Variants in PTDSS2 observed in about 807,000 individuals in gnomAD.
PTDSS2 encodes the protein PSS-2.
Under a neutral mutation model 64.7 loss-of-function variants are expected in PTDSS2, and 41 were observed. That is an observed-to-expected ratio of 0.63 (90% CI 0.49 to 0.82). PTDSS2 has a LOEUF of 0.82. Ranked by LOEUF, PTDSS2 falls within the 40% of genes least tolerant of loss-of-function variation. PTDSS2 has a pLI of 0.00. For missense variants in PTDSS2, 485 were observed against 650.0 expected (o/e 0.75, Z 2.76); for synonymous variants, 297 against 277.8 (o/e 1.07, Z -0.69).
rs560467241 is a variant in PTDSS2, at chr11:461,201, C to G, written c.284+913C>G. ...TGGGCCAGCACTTCATTTTGTAAAG[C>G]AAGAGTCTCGCTATCTTCGTGACTG... On this transcript the variant is annotated intron_variant, in intron 2 of 11. Coordinates refer to ENST00000308020, the MANE Select transcript of PTDSS2 (RefSeq NM_030783.3). The surrounding 1 kb of genome is among the most constrained non-coding windows in gnomAD (Gnocchi z 4.2). The G allele has an allele frequency of 2.0e-5, 3 of 152,084 alleles. No homozygotes were observed. Among genetic ancestry groups the G allele is most frequent in the Non-Finnish European group, 4.4e-5 (3 of 68,024 alleles). 9.4% of individuals were successfully genotyped at this position (152,084 alleles called of 1,614,324 possible). A position where few individuals can be genotyped will look rare whatever the true frequency, so the allele number is the denominator to read the frequency against.
intron 4 of PTDSS2, among the ~76,000 whole-genome samples, chr11:485,753 C>T (rs71487290): frequency 4.3e-4 from 53 of 122,998 alleles, no homozygotes; most frequent in African/African-American, 1.3e-3. Context: ...CGCAGGCGAG[C>T]GTAAACAGTG....
intron 4 of PTDSS2, among the ~76,000 whole-genome samples, chr11:485,849 C>T (rs1233858189): frequency 1.6e-4 from 1 of 6,080 alleles, no homozygotes; most frequent in African/African-American, 8.4e-4. Flanking sequence ...CGCAGGCGAG[C>T]GTAAACAGTG....
At chr11:469,525 G>A (rs1847318808) in intron 2 of PTDSS2, among the ~76,000 whole-genome samples, 1 of 151,932 alleles carries the variant, frequency 6.6e-6, no homozygotes. Flanking sequence ...GGAGGGAGGA[G>A]GAGGGGAGTC....
chr11:457,484 C>G (rs1328616289), intron 1 of PTDSS2, among the ~76,000 whole-genome samples: 1 of 152,324 alleles, frequency 6.6e-6, no homozygotes, highest in East Asian at 1.9e-4. Flanking sequence ...GTTGCCCCGG[C>G]TGGTCTTGAG....
intron 2 of PTDSS2, among the ~76,000 whole-genome samples, chr11:465,681 T>G (rs1467837646): frequency 2.0e-5 from 3 of 152,144 alleles, no homozygotes; most frequent in Admixed American, 1.3e-4. Flanking sequence ...TCCTAGCACT[T>G]TGGAAGGCCA....
intron 7 of PTDSS2, 79 bp downstream of exon 7, chr11:488,391 C>G: frequency 7.3e-7 from 1 of 1,373,180 alleles, no homozygotes; most frequent in Non-Finnish European, 1.0e-6. Flanking sequence ...AGCGCGGCCC[C>G]TGGACCCCCT....
intron 4 of PTDSS2, among the ~76,000 whole-genome samples, chr11:483,589 C>G (rs996992845): frequency 1.3e-5 from 2 of 152,156 alleles, no homozygotes; most frequent in African/African-American, 4.8e-5. Flanking sequence ...GTGTTTTTCC[C>G]CCTTTGTTAA....
chr11:487,137 C>T (rs970695398), intron 5 of PTDSS2, 64 bp downstream of exon 5: 109 of 1,458,650 alleles, frequency 7.5e-5, no homozygotes, highest in Non-Finnish European at 9.9e-5. Flanking sequence ...GGACCAGGCG[C>T]CATCCACGCT....
At chr11:490,322 C>A in intron 11 of PTDSS2, 98 bp from the exon 12 acceptor site, 1 of 1,538,006 alleles carries the variant, frequency 6.5e-7, no homozygotes, top group Non-Finnish European at 9.0e-7. Flanking sequence ...CCACCCAGTC[C>A]ATTCCGGACC....
chr11:486,971 T>C lies in PTDSS2; in HGVS notation c.468T>C (p.Tyr156=). 1 of 1,613,186 alleles carries C rather than the reference T, an allele frequency of 6.2e-7. No individual in the cohort carries two copies. Among genetic ancestry groups the C allele is most frequent in the Non-Finnish European group, 8.5e-7 (1 of 1,179,896 alleles). Residue 156 remains tyrosine (Y), a synonymous_variant, in exon 5 of 12, where the codon TAT becomes TAC. Coordinates refer to ENST00000308020, the MANE Select transcript of PTDSS2 (RefSeq NM_030783.3). ...AGGACGGCCGGCAGTTTCTAAAGTA[T>C]GTTGACCCCAAGCTGGGAGTCCCAC... ...TVQDGRQFLK[Y]VDPKLGVPLP... is the part of the protein sequence containing the mutation.
intron 2 of PTDSS2, chr11:463,838 G>A (rs981002890): frequency 6.6e-6 from 1 of 152,144 alleles, no homozygotes; most frequent in Non-Finnish European, 1.5e-5. Flanking sequence ...GAGCCACCAT[G>A]CCTGGCCAGC....
intron 1 of PTDSS2, among the ~76,000 whole-genome samples, chr11:452,956 C>G (rs2133749331): frequency 6.6e-6 from 1 of 152,080 alleles, no homozygotes. Context: ...GTCTTCAACT[C>G]CTGGCCTCAA....
rs994082419 is a variant in PTDSS2 at position 486,011 on chromosome 11, G to A, written c.436-928G>A. ...AGGCGAGCGTAAGCAGTGCACGGGC[G>A]CGCGTGCTCACCGTGTGCGCAGGCG... On this transcript the variant is annotated intron_variant, in intron 4 of 11. Coordinates refer to ENST00000308020, the MANE Select transcript of PTDSS2 (RefSeq NM_030783.3). 4.6e-5 allele frequency among the ~76,000 whole-genome samples: 7 copies of A among 150,666 alleles called. 1 individual carries two copies. Among genetic ancestry groups the A allele is most frequent in the Non-Finnish European group, 7.4e-5 (5 of 67,884 alleles).
intron 2 of PTDSS2, among the ~76,000 whole-genome samples, chr11:466,103 G>A (rs1461576263): frequency 1.3e-5 from 2 of 152,162 alleles, no homozygotes; most frequent in African/African-American, 4.8e-5. Context: ...GCTGGGCAGG[G>A]TGGCTCACAC....
intron 2 of PTDSS2, among the ~76,000 whole-genome samples, chr11:472,953 A>G (rs1847546156): frequency 6.6e-6 from 1 of 152,186 alleles, no homozygotes; most frequent in South Asian, 2.1e-4. Context: ...TGCAGCGGCC[A>G]GTGGATCTCA....
chr11:489,624 T>A lies in PTDSS2; in HGVS notation c.1006T>A (p.Phe336Ile). The A allele has an allele frequency of 6.3e-7, 1 of 1,595,236 alleles. No individual in the cohort carries two copies. The highest frequency in any genetic ancestry group is 8.5e-7 in the Non-Finnish European group (1 of 1,170,856). ...LAELNTFYLK[F>I]VLWMPPEHYL... The stretch of plus-strand genomic sequence containing the variant: ...AGAACTGAACACGTTCTACCTGAAG[T>A]TTGTGCTGTGGATGCCCCCGGAGCA... The change falls in exon 10 of 12, where the codon TTT (phenylalanine) becomes ATT (isoleucine). Residue 336 changes from phenylalanine (F) to isoleucine (I), a missense_variant. By Grantham distance (21) the Phe-to-Ile change is conservative (BLOSUM62 0). Around this residue, in one of 3 missense-constraint regions of PTDSS2, gnomAD observed 219 missense variants for 257.3 expected, o/e 0.85. Transcript: ENST00000308020.
Position 470,513 on chromosome 11 carries a change from C to T in PTDSS2, c.285-3382C>T, listed in dbSNP as rs771806196. On this transcript the variant is annotated intron_variant, in intron 2 of 11. Transcript: ENST00000308020. This position sits in a 1 kb window ranked among gnomAD's most constrained non-coding sequence, Gnocchi z 5.3. ...GGGGGCGGGGCAGGGGGAAGGACAT[C>T]AGGGGAGAGCGAAGGAAGTGTAGGC... 9.9e-5 allele frequency among the ~76,000 whole-genome samples: 15 copies of T among 152,152 alleles called. No individual in the cohort carries two copies. Among genetic ancestry groups the T allele is most frequent in the Admixed American group, 9.2e-4 (14 of 15,262 alleles).
intron 1 of PTDSS2, chr11:451,459 C>A: frequency 4.6e-6 from 2 of 434,606 alleles, no homozygotes; most frequent in Non-Finnish European, 9.4e-6. Context: ...AAGCAGGCTT[C>A]GTGAGAGGAG....
rs746591591 is a variant in PTDSS2, at chr11:479,046, G to A, written c.368-39G>A. 7.6e-6 allele frequency: 12 copies of A among 1,588,194 alleles called. No homozygotes were observed. In the South Asian group the frequency reaches 1.2e-4, roughly 16 times the overall value. Reference sequence around the variant, plus strand: ...GGGCTGAGCGGGGCCGTGGAGGCCTGGACCGGGCGCACTAACGTTCTGTCG... The same window carrying A: ...GGGCTGAGCGGGGCCGTGGAGGCCTAGACCGGGCGCACTAACGTTCTGTCG... On this transcript the variant is annotated intron_variant, in intron 3 of 11. Coordinates refer to ENST00000308020, the MANE Select transcript of PTDSS2 (RefSeq NM_030783.3). This position sits in a 1 kb window ranked among gnomAD's most constrained non-coding sequence, Gnocchi z 4.2.
Sources: allele counts gnomAD v4.1 joint callset (sites outside exome capture counted in the v4.1 genomes callset), GRCh38; gene constraint gnomAD v4.1.1; regional missense constraint gnomAD v4.1.1; non-coding constraint Gnocchi (gnomAD v3.1); transcripts MANE v1.5; gene names NCBI Gene and HGNC (gene_info 2026-07-23, HGNC 2026-07-21).